Variants in TTC27 observed in about 807,000 individuals in gnomAD.
TTC27 encodes tetratricopeptide repeat protein 27.
TTC27 carries 79 observed loss-of-function variants against 115.9 expected under a neutral mutation model. The ratio of observed to expected loss-of-function variants is 0.68; its 90% confidence interval spans 0.57 to 0.82. The LOEUF (loss-of-function observed/expected upper bound fraction) is 0.82, where lower values mean the gene tolerates loss of function less well. Ranked by LOEUF, TTC27 falls within the 40% of genes least tolerant of loss-of-function variation. The probability of loss-of-function intolerance (pLI) is 0.00; values close to 1 mark genes in which losing one functional copy is unlikely to be tolerated. For synonymous variants in TTC27, 401 were observed against 356.0 expected (o/e 1.13, Z -1.42); for missense variants, 1,054 against 993.1 (o/e 1.06, Z -0.82).
intron 13 of TTC27, among the ~76,000 whole-genome samples, chr2:32,765,356 TC>T (rs1669590000): frequency 7.8e-6 from 1 of 128,668 alleles, no homozygotes; most frequent in Non-Finnish European, 1.7e-5. Flanking sequence ...TTGAAAGGAA[TC>T]TTTTTTTTTT....
chr2:32,806,108 A>G (rs575983910), intron 16 of TTC27, among the ~76,000 whole-genome samples: 2 of 152,170 alleles, frequency 1.3e-5, no homozygotes, highest in Admixed American at 6.5e-5. Context: ...TTAAACTTCA[A>G]TTTTCTACTC....
intron 3 of TTC27, among the ~76,000 whole-genome samples, chr2:32,640,038 CA>C (rs1159243320): frequency 6.6e-6 from 1 of 151,700 alleles, no homozygotes; most frequent in African/African-American, 2.4e-5. Flanking sequence ...ACCAAAAACC[CA>C]AAAAATCAAG....
intron 10 of TTC27, among the ~76,000 whole-genome samples, chr2:32,718,387 A>C (rs528571418): frequency 6.6e-6 from 1 of 152,208 alleles, no homozygotes; most frequent in East Asian, 1.9e-4. Context: ...TCCATTCATA[A>C]AATTTTTTAT....
intron 16 of TTC27, among the ~76,000 whole-genome samples, chr2:32,806,626 G>GA (rs1379025856): frequency 6.6e-6 from 1 of 151,776 alleles, no homozygotes; most frequent in African/African-American, 2.4e-5. Context: ...TAAAAATACA[G>GA]AAAAAATTAG....
At chr2:32,787,307 T>C (rs1670381843) in intron 16 of TTC27, among the ~76,000 whole-genome samples, 158 bp downstream of exon 16, 1 of 152,244 alleles carries the variant, frequency 6.6e-6, no homozygotes, top group African/African-American at 2.4e-5. Flanking sequence ...CTTCATGATA[T>C]ATAGAATTCT....
At chr2:32,670,615 T>A (rs1665977782) in intron 7 of TTC27, among the ~76,000 whole-genome samples, 9 of 152,050 alleles carry the variant, frequency 5.9e-5, no homozygotes, top group Admixed American at 5.9e-4. Flanking sequence ...GTTTTTTTTT[T>A]TCTCTTCTTT....
chr2:32,708,732 A>C (rs1420092334), intron 10 of TTC27, among the ~76,000 whole-genome samples: 1 of 151,918 alleles, frequency 6.6e-6, no homozygotes, highest in African/African-American at 2.4e-5. Flanking sequence ...AGCAGCCTGA[A>C]ACCATGTTTT....
At chr2:32,747,074 G>C (rs1668856883) in intron 12 of TTC27, among the ~76,000 whole-genome samples, 1 of 152,186 alleles carries the variant, frequency 6.6e-6, no homozygotes, top group Non-Finnish European at 1.5e-5. Context: ...TGGCCCTTCA[G>C]ACCCATCTTG....
intron 16 of TTC27, among the ~76,000 whole-genome samples, chr2:32,790,815 T>A (rs548687596): frequency 2.0e-5 from 3 of 152,286 alleles, no homozygotes; most frequent in African/African-American, 7.2e-5. Flanking sequence ...TGTATGTTGA[T>A]TTTGTATCTG....
chr2:32,707,434 C>T (rs112444934), intron 10 of TTC27, among the ~76,000 whole-genome samples: 1 of 152,188 alleles, frequency 6.6e-6, no homozygotes, highest in Non-Finnish European at 1.5e-5. Flanking sequence ...ACCACTGTTG[C>T]ATCGGGCACC....
intron 3 of TTC27, among the ~76,000 whole-genome samples, chr2:32,638,536 GC>G (rs1664514391): frequency 6.6e-6 from 1 of 152,014 alleles, no homozygotes; most frequent in Non-Finnish European, 1.5e-5. Flanking sequence ...GTGCCACTAT[GC>G]CCGGCTAATT....
intron 3 of TTC27, among the ~76,000 whole-genome samples, 189 bp from the exon 4 acceptor site, chr2:32,640,081 A>G (rs1361652804): frequency 6.6e-6 from 1 of 152,216 alleles, no homozygotes; most frequent in Admixed American, 6.5e-5. Context: ...CCATCAGGGC[A>G]GGCTGGATTT....
intron 13 of TTC27, among the ~76,000 whole-genome samples, chr2:32,769,869 G>C (rs978735848): frequency 6.6e-6 from 1 of 152,192 alleles, no homozygotes; most frequent in Non-Finnish European, 1.5e-5. Flanking sequence ...GGTTTATATA[G>C]GTTAAATGGA....
intron 13 of TTC27, among the ~76,000 whole-genome samples, chr2:32,767,550 T>C (rs903194574): frequency 6.9e-6 from 1 of 144,222 alleles, no homozygotes; most frequent in Non-Finnish European, 1.5e-5. Flanking sequence ...CAAGCTCCGC[T>C]TCCCAGGTTC....
chr2:32,754,280 A>AG (rs1052702039), intron 12 of TTC27, among the ~76,000 whole-genome samples: 2 of 151,044 alleles, frequency 1.3e-5, no homozygotes, highest in African/African-American at 4.9e-5. Flanking sequence ...TCTTAGGCAG[A>AG]GGACCCTTCG....
At chr2:32,797,602 A>G (rs1432644575) in intron 16 of TTC27, among the ~76,000 whole-genome samples, 1 of 152,228 alleles carries the variant, frequency 6.6e-6, no homozygotes, top group African/African-American at 2.4e-5. Context: ...CTGTATACAC[A>G]TGCTAACTCA....
At chr2:32,649,205 T>C (rs1664986276) in intron 4 of TTC27, among the ~76,000 whole-genome samples, 1 of 152,126 alleles carries the variant, frequency 6.6e-6, no homozygotes, top group African/African-American at 2.4e-5. Flanking sequence ...AGAGGTTTCA[T>C]ACAGGTGTGG....
At chr2:32,772,921 G>A (rs1479902809) in intron 13 of TTC27, among the ~76,000 whole-genome samples, 2 of 152,132 alleles carry the variant, frequency 1.3e-5, no homozygotes, top group African/African-American at 4.8e-5. Flanking sequence ...TTGGGGAACT[G>A]AGACTCATAG....
chr2:32,725,080 G>C (rs1301488286), intron 10 of TTC27, among the ~76,000 whole-genome samples: 2 of 152,158 alleles, frequency 1.3e-5, no homozygotes, highest in Non-Finnish European at 2.9e-5. Flanking sequence ...TGCCCCACAT[G>C]ATTCAGTTAC....
Sources: allele counts gnomAD v4.1 joint callset (sites outside exome capture counted in the v4.1 genomes callset), GRCh38; gene constraint gnomAD v4.1.1; transcripts MANE v1.5; gene names NCBI Gene and HGNC (gene_info 2026-07-23, HGNC 2026-07-21).